The following PMFBP1 variants were observed in gnomAD, a reference collection of about 807,000 sequenced individuals.
The protein encoded by PMFBP1 is polyamine-modulated factor 1-binding protein 1.
In PMFBP1, 131 loss-of-function variants were observed where a neutral mutation model predicts 137.8. The ratio of observed to expected loss-of-function variants is 0.95; its 90% CI spans 0.82 to 1.10. The LOEUF is 1.10. Among genes scored for constraint, PMFBP1 ranks in the 50% least tolerant of loss-of-function variants. The pLI, the probability that PMFBP1 is intolerant of heterozygous loss-of-function variation, is 0.00. For synonymous variants in PMFBP1, 490 were observed against 450.4 expected, an observed-to-expected ratio of 1.09 and a Z score of -1.11; for missense variants, 1,199 against 1,175.4, an observed-to-expected ratio of 1.02 and a Z score of -0.29.
chr16:72,212,378 A>G, the PMFBP1 span, among the ~76,000 whole-genome samples: 1 of 152,136 alleles, frequency 6.6e-6, no homozygotes, highest in East Asian at 1.9e-4. Flanking sequence ...ACCTGTCTAG[A>G]AGAGGTTGGC....
At chr16:72,148,779 G>A (rs1362975137) in intron 5 of PMFBP1, among the ~76,000 whole-genome samples, 1 of 152,214 alleles carries the variant, frequency 6.6e-6, no homozygotes, top group Non-Finnish European at 1.5e-5. Flanking sequence ...CTTCATAAGT[G>A]TGGTGGAGAC....
At chr16:72,232,641 A>G in the PMFBP1 span, among the ~76,000 whole-genome samples, 1 of 152,190 alleles carries the variant, frequency 6.6e-6, no homozygotes, top group Non-Finnish European at 1.5e-5. Flanking sequence ...AATGGTTAGT[A>G]GTAACTTTAG....
At chr16:72,206,711 A>G in the PMFBP1 span, among the ~76,000 whole-genome samples, 1 of 152,134 alleles carries the variant, frequency 6.6e-6, no homozygotes, top group Admixed American at 6.5e-5. Context: ...ACTGTTAATC[A>G]TCGCTTCCCG....
chr16:72,129,274 A>T, intron 12 of PMFBP1, 41 bp from the exon 13 acceptor site: 1 of 1,580,044 alleles, frequency 6.3e-7, no homozygotes, highest in Admixed American at 1.9e-5. Context: ...GTCTTAGACT[A>T]TATTATATTT....
chr16:72,189,316 A>T, the PMFBP1 span, among the ~76,000 whole-genome samples: 1 of 152,204 alleles, frequency 6.6e-6, no homozygotes, highest in Non-Finnish European at 1.5e-5. Context: ...CAGCCACCAC[A>T]TGCTGCCGTC....
intron 5 of PMFBP1, among the ~76,000 whole-genome samples, chr16:72,143,674 C>T (rs759134911): frequency 3.3e-5 from 5 of 151,796 alleles, no homozygotes; most frequent in Admixed American, 6.6e-5. Flanking sequence ...ACCCAAGAGG[C>T]GGAGGTTGCA....
intron 17 of PMFBP1, among the ~76,000 whole-genome samples, 168 bp downstream of exon 17, chr16:72,124,599 G>A (rs917529055): frequency 1.3e-5 from 2 of 152,236 alleles, no homozygotes; most frequent in African/African-American, 2.4e-5. Flanking sequence ...GAACACAGGT[G>A]GGTTGAACCA....
At position 72,126,049 on chromosome 16, in the gene PMFBP1, A is replaced by C. The variant is rs1197858798; in HGVS notation, c.2172T>G (p.Thr724=). ...ALQKEKHYLQ[T]TITKEAYDAL... is the part of the protein sequence containing the mutation. ...CATCATAGGCTTCTTTGGTGATGGTAGTCTGGAGATAGTGCTTCTCCTTCT... is the reference window on the plus strand; with the variant it reads ...CATCATAGGCTTCTTTGGTGATGGTCGTCTGGAGATAGTGCTTCTCCTTCT... Residue 724 remains threonine, a synonymous_variant, in exon 15 of 21, where the codon ACT becomes ACG. Coordinates refer to ENST00000237353, the MANE Select transcript of PMFBP1 (RefSeq NM_031293.3). 6.2e-7 allele frequency: 1 copy of C among 1,614,148 alleles called. No homozygotes were observed. The highest frequency in any genetic ancestry group is 1.1e-5 in the South Asian group (1 of 91,084).
At position 72,125,990 on chromosome 16, in the gene PMFBP1, T is replaced by G. The variant is rs2042450294; in HGVS notation, c.2231A>C (p.Asp744Ala). The change falls in exon 15 of 21, where the codon GAC (aspartate) becomes GCC (alanine). Residue 744 changes from aspartate to alanine, a missense_variant. Coordinates refer to ENST00000237353, the MANE Select transcript of PMFBP1 (RefSeq NM_031293.3). Reference sequence around the variant, plus strand: ...CACCTTCTCGAGGGCTTGTGTCAGGTCATCCTGGCAGGCGGCTGACTTCCG... The same window carrying G: ...CACCTTCTCGAGGGCTTGTGTCAGGGCATCCTGGCAGGCGGCTGACTTCCG... ...LSRKSAACQD[D>A]LTQALEKLNH... The G allele has an allele frequency of 6.2e-7, 1 of 1,613,996 alleles. No homozygotes were observed. The highest frequency in any genetic ancestry group is 1.1e-5 in the South Asian group (1 of 91,084).
chr16:72,139,271 T>C lies in PMFBP1; in HGVS notation c.918+18A>G, dbSNP rs940891818. 6.3e-7 allele frequency: 1 copy of C among 1,584,792 alleles called. No homozygotes were observed. The highest frequency in any genetic ancestry group is 1.3e-5 in the African/African-American group (1 of 74,268). ...TCAGCCCGATCCCAGTAGGCACAGA[T>C]CAGCAAATTTCTCCCACCTTTTTGA... On this transcript the variant is annotated intron_variant, in intron 7 of 20. Transcript: ENST00000237353.
the PMFBP1 span, among the ~76,000 whole-genome samples, chr16:72,231,575 C>G: frequency 6.6e-6 from 1 of 152,128 alleles, no homozygotes. Context: ...TAGTGATTCT[C>G]AAACTGTGTG....
the PMFBP1 span, among the ~76,000 whole-genome samples, chr16:72,193,820 G>A: frequency 4.6e-5 from 7 of 151,612 alleles, no homozygotes; most frequent in South Asian, 2.1e-4. Flanking sequence ...ATATGTGCCC[G>A]GCTCCAGTCC....
At chr16:72,165,115 T>C (rs2043125995) in intron 2 of PMFBP1, among the ~76,000 whole-genome samples, 199 bp from the exon 3 acceptor site, 1 of 152,216 alleles carries the variant, frequency 6.6e-6, no homozygotes. Flanking sequence ...TTCAGACAAT[T>C]ACTGATTTAT....
Position 72,130,679 on chromosome 16 carries a change from G to A in PMFBP1, c.1491C>T (p.Gly497=), listed in dbSNP as rs1366349487. The A allele has an allele frequency of 1.2e-6, 2 of 1,613,456 alleles. No individual in the cohort carries two copies. The highest frequency in any genetic ancestry group is 2.2e-5 in the East Asian group (1 of 44,874). ...TCCTCTGGGTGTCCTCCAGGTGACAGCCTGCCAGTGCAGCCTCTTCTTTGC... is the reference window on the plus strand; with the variant it reads ...TCCTCTGGGTGTCCTCCAGGTGACAACCTGCCAGTGCAGCCTCTTCTTTGC... ...AQCKEEAALA[G]CHLEDTQRKL... is the part of the protein sequence containing the mutation. The change falls in exon 11 of 21, where the codon GGC becomes GGT. Residue 497 remains glycine (G), a synonymous_variant. Transcript: ENST00000237353.
the PMFBP1 span, among the ~76,000 whole-genome samples, chr16:72,231,362 C>T: frequency 0.09 from 13,635 of 152,142 alleles, 1,710 homozygotes; most frequent in African/African-American, 0.28. Flanking sequence ...CACAACGAAC[C>T]CCAAATATGA....
intron 19 of PMFBP1, 83 bp downstream of exon 19, chr16:72,122,831 A>C: frequency 1.5e-6 from 2 of 1,336,488 alleles, no homozygotes; most frequent in Non-Finnish European, 2.1e-6. Flanking sequence ...TCCCCCTATC[A>C]AGGGCTAAAG....
chr16:72,210,115 A>G, the PMFBP1 span, among the ~76,000 whole-genome samples: 4 of 152,336 alleles, frequency 2.6e-5, no homozygotes, highest in African/African-American at 9.6e-5. Flanking sequence ...CTGTACCATT[A>G]GGAGTGAATT....
chr16:72,173,092 C>T (rs761049399), upstream of PMFBP1, among the ~76,000 whole-genome samples: 44 of 152,198 alleles, frequency 2.9e-4, no homozygotes, highest in Non-Finnish European at 5.7e-4. Context: ...TGGTTCAGCA[C>T]CTCACTGGAG....
At chr16:72,208,179 C>T in the PMFBP1 span, among the ~76,000 whole-genome samples, 1 of 152,188 alleles carries the variant, frequency 6.6e-6, no homozygotes, top group Non-Finnish European at 1.5e-5. Flanking sequence ...AATGTGTGGC[C>T]AAATGTCTGG....
Sources: gnomAD v4.1 joint callset for allele counts (sites outside exome capture counted in the v4.1 genomes callset) on GRCh38, gnomAD v4.1.1 for gene constraint, MANE v1.5 for transcripts, NCBI Gene and HGNC (gene_info 2026-07-23, HGNC 2026-07-21) for gene names.